CCDC102B: variants seen among roughly 807,000 people sequenced by gnomAD.
CCDC102B encodes the protein coiled-coil domain containing 102B, also known as coiled-coil domain-containing protein 102B.
A neutral mutation model predicts 57.4 loss-of-function variants in CCDC102B; 75 were observed. The ratio of observed to expected loss-of-function variants is 1.31; its 90% confidence interval spans 1.08 to 1.58. CCDC102B has a LOEUF of 1.58. Ranked by LOEUF, CCDC102B falls within the 40% of genes most tolerant of loss-of-function variation. The pLI, the probability that CCDC102B is intolerant of heterozygous loss-of-function variation, is 0.00. For synonymous variants in CCDC102B, 206 were observed against 201.9 expected (o/e 1.02, Z -0.17); for missense variants, 636 against 582.6 (o/e 1.09, Z -0.94).
intron 6 of CCDC102B, among the ~76,000 whole-genome samples, chr18:68,998,999 T>TATATATAG (rs2051122947): frequency 9.2e-5 from 4 of 43,336 alleles, no homozygotes; most frequent in African/African-American, 3.1e-4. Context: ...TATATATATA[T>TATATATAG]AGAGAGAGAG....
intron 6 of CCDC102B, among the ~76,000 whole-genome samples, chr18:68,970,938 G>C (rs1248747290): frequency 6.6e-6 from 1 of 151,736 alleles, no homozygotes; most frequent in Non-Finnish European, 1.5e-5. Context: ...TGATTTTATT[G>C]TGCAGTATAT....
chr18:68,985,332 C>T (rs2050696099), intron 6 of CCDC102B, among the ~76,000 whole-genome samples: 1 of 152,098 alleles, frequency 6.6e-6, no homozygotes, highest in East Asian at 1.9e-4. Context: ...GTTTAGTATA[C>T]ATCGTTGATA....
chr18:68,947,539 A>G (rs539741645), intron 6 of CCDC102B, among the ~76,000 whole-genome samples: 6 of 152,086 alleles, frequency 3.9e-5, no homozygotes, highest in Non-Finnish European at 8.8e-5. Flanking sequence ...TCTAATTTTT[A>G]TGCTGTATGT....
chr18:68,846,801 T>C (rs146538791), intron 4 of CCDC102B, among the ~76,000 whole-genome samples: 96 of 151,938 alleles, frequency 6.3e-4, no homozygotes, highest in Middle Eastern at 3.4e-3. Flanking sequence ...GTTAAAGATA[T>C]CCTCTGATAG....
intron 5 of CCDC102B, among the ~76,000 whole-genome samples, chr18:68,891,174 A>G (rs1398126728): frequency 1.3e-5 from 2 of 152,160 alleles, no homozygotes; most frequent in Non-Finnish European, 2.9e-5. Flanking sequence ...TAACAGTATT[A>G]TTATACGTAA....
rs1187289398 is a variant in CCDC102B at position 68,751,482 on chromosome 18, C to A, written c.-67+34888C>A. On this transcript the variant is annotated intron_variant, in intron 2 of 3. Coordinates refer to the CCDC102B transcript ENST00000578970. The stretch of plus-strand genomic sequence containing the variant: ...ACAGAGAAATCACCAAGAAAAAGCA[C>A]AAAAATGCACAAAACAAAACCAGAG... Among the ~76,000 whole-genome samples, 6 of 151,936 alleles carry A rather than the reference C, an allele frequency of 3.9e-5. No homozygotes were observed. The East Asian group carries it at 5.8e-4, about 15-fold the overall frequency.
At chr18:69,043,682 G>T (rs1043503415) in intron 7 of CCDC102B, among the ~76,000 whole-genome samples, 5 of 152,058 alleles carry the variant, frequency 3.3e-5, no homozygotes, top group African/African-American at 1.2e-4. Context: ...GAGAGCACAG[G>T]GTTGGGGGTA....
At chr18:69,047,325 C>G (rs2052592710) in intron 7 of CCDC102B, among the ~76,000 whole-genome samples, 1 of 152,034 alleles carries the variant, frequency 6.6e-6, no homozygotes, top group African/African-American at 2.4e-5. Context: ...AAAACACTTT[C>G]AATAAAATCC....
chr18:68,780,511 A>T (rs767405917), intron 2 of CCDC102B, among the ~76,000 whole-genome samples: 1 of 151,032 alleles, frequency 6.6e-6, no homozygotes, highest in Non-Finnish European at 1.5e-5. Flanking sequence ...ATTCACAGAC[A>T]CTAATGTGAA....
intron 6 of CCDC102B, among the ~76,000 whole-genome samples, chr18:68,946,561 A>C (rs1052436142): frequency 6.6e-6 from 1 of 152,048 alleles, no homozygotes; most frequent in Admixed American, 6.6e-5. Flanking sequence ...GAATCTATAA[A>C]TTAGAGACGA....
At chr18:68,847,430 G>A (rs770848809) in intron 4 of CCDC102B, among the ~76,000 whole-genome samples, 2 of 149,486 alleles carry the variant, frequency 1.3e-5, no homozygotes, top group South Asian at 4.2e-4. Flanking sequence ...GTAAAAAAAA[G>A]AATGCATTTA....
chr18:68,999,321 G>C (rs1184786737), intron 6 of CCDC102B, among the ~76,000 whole-genome samples: 1 of 151,906 alleles, frequency 6.6e-6, no homozygotes, highest in African/African-American at 2.4e-5. Context: ...TGTAAGCCTG[G>C]CACATTGGCT....
intron 4 of CCDC102B, chr18:68,867,043 C>T (rs192555597): frequency 2.1e-4 from 55 of 268,156 alleles, no homozygotes; most frequent in African/African-American, 1.2e-3. Flanking sequence ...CTGACGTTCC[C>T]AGCGTCATCT....
intron 5 of CCDC102B, among the ~76,000 whole-genome samples, chr18:68,879,990 C>G (rs1042482683): frequency 3.3e-5 from 5 of 152,216 alleles, no homozygotes; most frequent in African/African-American, 1.2e-4. Context: ...CTGTGCAGTG[C>G]GCATGCACTC....
intron 2 of CCDC102B, among the ~76,000 whole-genome samples, chr18:68,732,937 A>T (rs2032949648): frequency 6.6e-6 from 1 of 152,108 alleles, no homozygotes; most frequent in Non-Finnish European, 1.5e-5. Context: ...CCATAGACTG[A>T]TTTAGCCTAG....
At chr18:68,884,791 G>A (rs1446388812) in intron 5 of CCDC102B, among the ~76,000 whole-genome samples, 9 of 150,010 alleles carry the variant, frequency 6.0e-5, no homozygotes, top group African/African-American at 2.2e-4. Context: ...GAGATCTAAT[G>A]TACAAGATGA....
At chr18:68,933,382 T>G (rs969128815) in intron 6 of CCDC102B, among the ~76,000 whole-genome samples, 3 of 151,964 alleles carry the variant, frequency 2.0e-5, no homozygotes, top group Non-Finnish European at 4.4e-5. Flanking sequence ...ATTATTTTTA[T>G]CTCAAGTTTT....
chr18:68,743,957 AT>A (rs2145228937), intron 2 of CCDC102B, among the ~76,000 whole-genome samples: 1 of 152,314 alleles, frequency 6.6e-6, no homozygotes, highest in South Asian at 2.1e-4. Flanking sequence ...AGGTTAAGAC[AT>A]TTTTATTTTG....
chr18:68,749,417 G>C (rs1273098227), intron 2 of CCDC102B, among the ~76,000 whole-genome samples: 1 of 152,156 alleles, frequency 6.6e-6, no homozygotes, highest in Non-Finnish European at 1.5e-5. Flanking sequence ...AGCATGGAAT[G>C]TTCTTCCATT....
Sources: gnomAD v4.1 joint callset for allele counts (sites outside exome capture counted in the v4.1 genomes callset) on GRCh38, gnomAD v4.1.1 for gene constraint, MANE v1.5 for transcripts, NCBI Gene and HGNC (gene_info 2026-07-23, HGNC 2026-07-21) for gene names.